Variants in THRB observed in about 807,000 individuals in gnomAD.
THRB encodes the protein thyroid hormone receptor beta.
Under a neutral mutation model 47.8 loss-of-function variants are expected in THRB, and 12 were observed. That is an observed-to-expected ratio of 0.25 (90% CI 0.16 to 0.41). The LOEUF is 0.41. Among genes scored for constraint, THRB ranks in the 10% least tolerant of loss-of-function variants. The pLI is 1.00. For synonymous variants in THRB, 218 were observed against 212.2 expected (o/e 1.03, Z -0.24); for missense variants, 348 against 589.2 (o/e 0.59, Z 4.24).
chr3:24,143,862 C>T (rs2035765636), intron 7 of THRB, 156 bp from the exon 8 acceptor site: 4 of 710,698 alleles, frequency 5.6e-6, no homozygotes, highest in Non-Finnish European at 7.4e-6. Flanking sequence ...CTCTCCTCAC[C>T]AGCAAACTGC....
At chr3:24,257,141 C>G (rs2150431484) in intron 3 of THRB, among the ~76,000 whole-genome samples, 1 of 152,200 alleles carries the variant, frequency 6.6e-6, no homozygotes, top group African/African-American at 2.4e-5. Flanking sequence ...AAGTCTTGTT[C>G]CAGCTCTAAA....
At chr3:24,261,510 A>C (rs1447760454) in intron 3 of THRB, among the ~76,000 whole-genome samples, 2 of 149,008 alleles carry the variant, frequency 1.3e-5, no homozygotes, top group African/African-American at 2.6e-5. Flanking sequence ...AAAAAAAAAA[A>C]AAAAAAAACC....
chr3:24,218,882 T>TA (rs946606988), intron 4 of THRB, among the ~76,000 whole-genome samples: 1 of 152,102 alleles, frequency 6.6e-6, no homozygotes, highest in African/African-American at 2.4e-5. Context: ...CTCATTTATT[T>TA]AAAAAAATTA....
At chr3:24,356,503 C>A (rs544526236) in intron 1 of THRB, among the ~76,000 whole-genome samples, 1 of 152,276 alleles carries the variant, frequency 6.6e-6, no homozygotes, top group Admixed American at 6.5e-5. Context: ...TCATTCTGTC[C>A]TGTTTTGTCT....
At chr3:24,402,807 G>A (rs905182903) in intron 1 of THRB, among the ~76,000 whole-genome samples, 3 of 151,702 alleles carry the variant, frequency 2.0e-5, no homozygotes, top group African/African-American at 4.8e-5. Context: ...TGTCAACTCC[G>A]CCTTTTTATG....
rs1002998913 is a variant in THRB, at chr3:24,357,157, G to GT, written c.-260-19787dup. On this transcript the variant is annotated intron_variant, in intron 1 of 10. Transcript: ENST00000646209. ...CTTGACTCAGTTTTGTTGGTTTTAT[G>GT]TTTTTTTTTGTCCCCCAAAATGAAC... is the stretch of plus-strand genomic sequence containing the variant. 7.0e-4 allele frequency among the ~76,000 whole-genome samples: 103 copies of GT among 147,912 alleles called. 1 individual carries two copies. Among genetic ancestry groups the GT allele is most frequent in the Admixed American group, 2.4e-3 (36 of 14,812 alleles).
chr3:24,480,367 A>G (rs1577899542), intron 1 of THRB, among the ~76,000 whole-genome samples: 1 of 152,208 alleles, frequency 6.6e-6, no homozygotes, highest in Non-Finnish European at 1.5e-5. Context: ...CCAAAGTCCC[A>G]GGCACAGAAT....
chr3:24,484,899 C>A (rs1300368147), intron 1 of THRB, among the ~76,000 whole-genome samples: 2 of 152,148 alleles, frequency 1.3e-5, no homozygotes, highest in Non-Finnish European at 2.9e-5. Flanking sequence ...CTCAGATCAG[C>A]CAAGAGACTT....
At chr3:24,206,039 C>T (rs1202224879) in intron 4 of THRB, among the ~76,000 whole-genome samples, 1 of 152,134 alleles carries the variant, frequency 6.6e-6, no homozygotes, top group East Asian at 1.9e-4. Flanking sequence ...TAGACTCCCA[C>T]ACAATAATAA....
intron 3 of THRB, among the ~76,000 whole-genome samples, chr3:24,272,393 C>A (rs1298790640): frequency 6.6e-6 from 1 of 150,976 alleles, no homozygotes. Flanking sequence ...AACAAACAAA[C>A]AAAAAAACCA....
At chr3:24,418,258 A>C (rs567625276) in intron 1 of THRB, among the ~76,000 whole-genome samples, 19 of 151,280 alleles carry the variant, frequency 1.3e-4, no homozygotes, top group South Asian at 2.1e-4. Context: ...AAAAAAAAAA[A>C]ACCTGTATTT....
At chr3:24,201,777 T>C (rs979384542) in intron 4 of THRB, among the ~76,000 whole-genome samples, 2 of 152,194 alleles carry the variant, frequency 1.3e-5, no homozygotes, top group African/African-American at 4.8e-5. Context: ...GTAAATTTGG[T>C]TCATAAAATG....
At chr3:24,473,766 G>T (rs1009809519) in intron 1 of THRB, among the ~76,000 whole-genome samples, 2 of 152,090 alleles carry the variant, frequency 1.3e-5, no homozygotes, top group Admixed American at 6.5e-5. Flanking sequence ...CCATAAAAAA[G>T]GATGAGTTCA....
At chr3:24,428,236 A>T (rs1251496124) in intron 1 of THRB, among the ~76,000 whole-genome samples, 1 of 152,036 alleles carries the variant, frequency 6.6e-6, no homozygotes, top group Non-Finnish European at 1.5e-5. Context: ...ACAAAATATT[A>T]TTGAGTACCT....
At chr3:24,299,964 C>G (rs1206636269) in intron 2 of THRB, among the ~76,000 whole-genome samples, 1 of 151,902 alleles carries the variant, frequency 6.6e-6, no homozygotes, top group African/African-American at 2.4e-5. Context: ...CACTGACTCT[C>G]AATTCCTAGA....
intron 8 of THRB, among the ~76,000 whole-genome samples, chr3:24,143,131 A>G (rs1188848609): frequency 2.0e-5 from 3 of 152,220 alleles, no homozygotes; most frequent in African/African-American, 7.2e-5. Context: ...CAGGGACTAA[A>G]TATGTATATA....
At chr3:24,359,387 T>C (rs1332863697) in intron 1 of THRB, among the ~76,000 whole-genome samples, 1 of 152,140 alleles carries the variant, frequency 6.6e-6, no homozygotes, top group Non-Finnish European at 1.5e-5. Flanking sequence ...AAAGCAGGTG[T>C]TCCAGTGAAC....
intron 5 of THRB, among the ~76,000 whole-genome samples, chr3:24,176,226 A>G (rs1385478394): frequency 6.6e-6 from 1 of 152,104 alleles, no homozygotes; most frequent in Non-Finnish European, 1.5e-5. Flanking sequence ...CATTTAATGT[A>G]TTTTTTAATT....
chr3:24,284,460 C>A (rs904835043), intron 3 of THRB, among the ~76,000 whole-genome samples: 2 of 151,576 alleles, frequency 1.3e-5, no homozygotes, highest in Non-Finnish European at 2.9e-5. Flanking sequence ...AAACGTTAGA[C>A]CTAAAACCAT....
Sources: allele counts gnomAD v4.1 joint callset (sites outside exome capture counted in the v4.1 genomes callset), GRCh38; gene constraint gnomAD v4.1.1; transcripts MANE v1.5; gene names NCBI Gene and HGNC (gene_info 2026-07-23, HGNC 2026-07-21).